Variants in OR6Y1 observed in about 807,000 individuals in gnomAD.
OR6Y1 encodes the protein olfactory receptor 6Y1.
In OR6Y1, 1 loss-of-function variant was observed where a neutral mutation model predicts 0.4. That is an observed-to-expected ratio of 2.74 (90% CI 0.97 to 13.02). OR6Y1 has a LOEUF of 13.02. OR6Y1 is among the 30% of genes most tolerant of loss of function. The probability of loss-of-function intolerance (pLI) is 0.12; values close to 1 mark genes in which losing one functional copy is unlikely to be tolerated. For synonymous variants in OR6Y1, 173 were observed against 141.1 expected (o/e 1.23, Z -1.60); for missense variants, 480 against 399.8 (o/e 1.20, Z -1.71).
chr1:158,544,643 C>T lies in OR6Y1; in HGVS notation c.*2485G>A, dbSNP rs554048250. On this transcript the variant is annotated 3_prime_UTR_variant, in exon 2 of 2. Transcript: ENST00000641622. ...ACAGATTATTTTGTCACCCAGGTAT[C>T]AAGCCTATTACCCATTAGTTATTTC... 6.6e-6 allele frequency: 1 copy of T among 152,138 alleles called. No individual in the cohort carries two copies. The highest frequency in any genetic ancestry group is 2.1e-4 in the South Asian group (1 of 4,814). 9.4% of individuals were successfully genotyped at this position (152,138 alleles called of 1,614,324 possible).
At chr1:158,550,110 C>T (rs1647663980) in intron 1 of OR6Y1, among the ~76,000 whole-genome samples, 1 of 151,420 alleles carries the variant, frequency 6.6e-6, no homozygotes, top group African/African-American at 2.4e-5. Flanking sequence ...GACATTATAC[C>T]CTAATGTCCT....
Position 158,546,592 on chromosome 1 carries a change from G to A in OR6Y1, c.*536C>T, listed in dbSNP as rs956680349. 3 of 152,410 alleles carry A rather than the reference G, an allele frequency of 2.0e-5. No individual in the cohort carries two copies. Among genetic ancestry groups the A allele is most frequent in the Admixed American group, 2.0e-4 (3 of 15,286 alleles). 9.4% of individuals were successfully genotyped at this position (152,410 alleles called of 1,614,324 possible). ...TGACCAGGCTGGGCCCAAGTTCCTG[G>A]ACTCAGGGGATCCTCCTGCCTCAGT... On this transcript the variant is annotated 3_prime_UTR_variant, in exon 2 of 2. Coordinates refer to ENST00000641622, the MANE Select transcript of OR6Y1 (RefSeq NM_001005189.2).
intron 1 of OR6Y1, among the ~76,000 whole-genome samples, chr1:158,553,542 T>TTATA (rs909469394): frequency 2.0e-5 from 3 of 151,528 alleles, no homozygotes; most frequent in Non-Finnish European, 4.4e-5. Context: ...ATACGTACAA[T>TTATA]TATATATATA....
Position 158,548,363 on chromosome 1 carries a change from AT to A in OR6Y1, c.-259del. On this transcript the variant is annotated 5_prime_UTR_variant, in exon 2 of 2. Transcript: ENST00000641622. ...TCCAAGGTCATACAAAATAGAGTTT[AT>A]AACTTTCTAAATCCCAGTTCTGTGC... 3 of 383,008 alleles carry A rather than the reference AT, an allele frequency of 7.8e-6. No individual in the cohort carries two copies. The South Asian group carries it at 1.3e-4, about 16-fold the overall frequency. 23.7% of individuals were successfully genotyped at this position (383,008 alleles called of 1,614,324 possible).
intron 1 of OR6Y1, among the ~76,000 whole-genome samples, chr1:158,552,305 G>A (rs987137791): frequency 1.3e-5 from 2 of 149,608 alleles, no homozygotes; most frequent in African/African-American, 4.9e-5. Context: ...ATCCTCTTTG[G>A]ATGATTCCAG....
At chr1:158,549,835 A>C (rs1007166894) in intron 1 of OR6Y1, among the ~76,000 whole-genome samples, 1 of 151,186 alleles carries the variant, frequency 6.6e-6, no homozygotes, top group African/African-American at 2.5e-5. Flanking sequence ...ATTTAAAAAA[A>C]TATCTTTGAG....
rs1211443153 is a variant in OR6Y1 at position 158,544,843 on chromosome 1, A to G, written c.*2285T>C. On this transcript the variant is annotated 3_prime_UTR_variant, in exon 2 of 2. Coordinates refer to ENST00000641622, the MANE Select transcript of OR6Y1 (RefSeq NM_001005189.2). ...AAGGTGATGGCCTCCAGTCCCATCCATGTTCCCGGAAAGGACATGATCTAA... is the reference window on the plus strand; with the variant it reads ...AAGGTGATGGCCTCCAGTCCCATCCGTGTTCCCGGAAAGGACATGATCTAA... The G allele has an allele frequency of 6.6e-6, 1 of 152,164 alleles. No homozygotes were observed. Among genetic ancestry groups the G allele is most frequent in the Non-Finnish European group, 1.5e-5 (1 of 68,038 alleles). 9.4% of individuals were successfully genotyped at this position (152,164 alleles called of 1,614,324 possible).
chr1:158,548,060 G>T lies in OR6Y1; in HGVS notation c.46C>A (p.Arg16Ser). The change falls in exon 2 of 2, where the codon CGT becomes AGT. Residue 16 changes from arginine to serine, a missense_variant. Arg to Ser is a moderately radical substitution (Grantham distance 110, BLOSUM62 -1). Transcript: ENST00000641622. Reference protein sequence around the residue: ...LEVDNHTVTTRFILLGFPTRP... With the variant: ...LEVDNHTVTTSFILLGFPTRP... The stretch of plus-strand genomic sequence containing the variant: ...GTTGGAAACCCCAGAAGAATGAAAC[G>T]TGTTGTCACTGTATGATTATCTACT... 1 of 1,613,456 alleles carries T rather than the reference G, an allele frequency of 6.2e-7. No homozygotes were observed.
Position 158,549,351 on chromosome 1 carries a change from T to C in OR6Y1, c.-1246A>G, listed in dbSNP as rs560422440. On this transcript the variant is annotated 5_prime_UTR_variant, in exon 2 of 2. Coordinates refer to ENST00000641622, the MANE Select transcript of OR6Y1 (RefSeq NM_001005189.2). ...ATTGCTTCAATTCTCTTTTCTGCTC[T>C]TCTCCAGAGCCACAGTCACTCTTGA... 5 of 151,810 alleles carry C rather than the reference T, an allele frequency of 3.3e-5. No individual in the cohort carries two copies. The highest frequency in any genetic ancestry group is 1.2e-4 in the African/African-American group (5 of 41,130). The allele number at this position is 151,810 out of a possible 1,614,324, so 9.4% of individuals were successfully genotyped here.
chr1:158,547,061 A>G lies in OR6Y1; in HGVS notation c.*67T>C. On this transcript the variant is annotated 3_prime_UTR_variant, in exon 2 of 2. Transcript: ENST00000641622. ...TGGAGATTGGGGGATAACCAAAGAC[A>G]AGACTGAGGGGGAAAGTGTGTAGTG... is the stretch of plus-strand genomic sequence containing the variant. 6.7e-7 allele frequency: 1 copy of G among 1,492,490 alleles called. No individual in the cohort carries two copies. Among genetic ancestry groups the G allele is most frequent in the Non-Finnish European group, 9.1e-7 (1 of 1,104,908 alleles). The allele number at this position is 1,492,490 out of a possible 1,614,324, so 92.5% of individuals were successfully genotyped here. A position where few individuals can be genotyped will look rare whatever the true frequency, so the allele number is the denominator to read the frequency against.
chr1:158,550,650 G>T lies in OR6Y1; in HGVS notation c.-1432-1113C>A, dbSNP rs151011555. The stretch of plus-strand genomic sequence containing the variant: ...AAGAGGTAGAGTGCTTTATCAACAG[G>T]CACATGCATTGTAGATATAGTAAGG... On this transcript the variant is annotated intron_variant, in intron 1 of 1. Transcript: ENST00000641622. Among the ~76,000 whole-genome samples, 287 of 151,738 alleles carry T rather than the reference G, an allele frequency of 1.9e-3. 5 individuals are homozygous for T. Among genetic ancestry groups the T allele is most frequent in the Middle Eastern group, 6.8e-3 (2 of 294 alleles).
rs112502721 is a variant in OR6Y1, at chr1:158,547,154, G to A, written c.952C>T (p.Gln318Ter). 9.3e-6 allele frequency: 15 copies of A among 1,612,958 alleles called. No homozygotes were observed. The highest frequency in any genetic ancestry group is 6.7e-5 in the African/African-American group (5 of 74,490). Reference protein sequence around the residue: ...KTIHCRGSGPQGNGAFSS With the variant: ...KTIHCRGSGP ...TAACTACTGAAAGCCCCATTTCCCTGGGGCCCACTTCCTCTGCAATGTATG... is the reference window on the plus strand; with the variant it reads ...TAACTACTGAAAGCCCCATTTCCCTAGGGCCCACTTCCTCTGCAATGTATG... Residue 318 changes from glutamine to a stop codon, truncating the protein, a stop_gained, in exon 2 of 2, where the codon CAG (glutamine) becomes TAG (stop). Coordinates refer to ENST00000641622, the MANE Select transcript of OR6Y1 (RefSeq NM_001005189.2). LOFTEE classifies it low-confidence loss of function (END_TRUNC).
rs778445640 is a variant in OR6Y1, at chr1:158,547,820, T to G, written c.286A>C (p.Ser96Arg). The change falls in exon 2 of 2, where the codon AGT (serine) becomes CGT (arginine). Residue 96 changes from serine (S) to arginine (R), a missense_variant. Transcript: ENST00000641622. Reference sequence around the variant, plus strand: ...GTCATGCAGCCATTGAAGGAAATACTCTTGTCATGACTGAGGAAGTCAACA... The same window carrying G: ...GTCATGCAGCCATTGAAGGAAATACGCTTGTCATGACTGAGGAAGTCAACA... ...MLVDFLSHDK[S>R]ISFNGCMTQL... The G allele has an allele frequency of 1.2e-6, 2 of 1,613,558 alleles. No homozygotes were observed. The highest frequency in any genetic ancestry group is 4.5e-5 in the East Asian group (2 of 44,866).
At chr1:158,550,844 C>T (rs140862762) in intron 1 of OR6Y1, among the ~76,000 whole-genome samples, 2,402 of 151,804 alleles carry the variant, frequency 0.016, 39 homozygotes, top group Middle Eastern at 0.044. Flanking sequence ...TCTGAGGAGG[C>T]TATGCTGAAT....
At position 158,545,831 on chromosome 1, in the gene OR6Y1, T is replaced by A. The variant is rs553184124; in HGVS notation, c.*1297A>T. Reference sequence around the variant, plus strand: ...ATTTGTCAATTTTTGTTTTTTAATATCTTTTTAAAAATTGCTGAGGTTTAT... The same window carrying A: ...ATTTGTCAATTTTTGTTTTTTAATAACTTTTTAAAAATTGCTGAGGTTTAT... On this transcript the variant is annotated 3_prime_UTR_variant, in exon 2 of 2. Coordinates refer to ENST00000641622, the MANE Select transcript of OR6Y1 (RefSeq NM_001005189.2). The A allele has an allele frequency of 5.4e-4, 82 of 152,286 alleles. No individual in the cohort carries two copies. Among genetic ancestry groups the A allele is most frequent in the African/African-American group, 1.9e-3 (80 of 41,560 alleles). 9.4% of individuals were successfully genotyped at this position (152,286 alleles called of 1,614,324 possible).
At chr1:158,551,933 A>G (rs1291449248) in intron 1 of OR6Y1, among the ~76,000 whole-genome samples, 1 of 149,016 alleles carries the variant, frequency 6.7e-6, no homozygotes, top group African/African-American at 2.6e-5. Flanking sequence ...GATTTTTTCC[A>G]GGAATGGAAA....
At chr1:158,552,938 C>T (rs1053193759) in intron 1 of OR6Y1, among the ~76,000 whole-genome samples, 1 of 152,070 alleles carries the variant, frequency 6.6e-6, no homozygotes, top group Non-Finnish European at 1.5e-5. Flanking sequence ...TTTTCAGGAA[C>T]GAATATGCTT....
chr1:158,553,199 T>C (rs1184698354), intron 1 of OR6Y1, among the ~76,000 whole-genome samples: 1 of 152,210 alleles, frequency 6.6e-6, no homozygotes, highest in African/African-American at 2.4e-5. Flanking sequence ...TGGGTCTCAC[T>C]TGGGTATGAT....
intron 1 of OR6Y1, among the ~76,000 whole-genome samples, chr1:158,552,591 A>G (rs1557897094): frequency 1.3e-5 from 2 of 152,084 alleles, no homozygotes; most frequent in Non-Finnish European, 2.9e-5. Context: ...ATAGGGAAGA[A>G]AACGTATATG....
Sources: allele counts gnomAD v4.1 joint callset (sites outside exome capture counted in the v4.1 genomes callset), GRCh38; gene constraint gnomAD v4.1.1; transcripts MANE v1.5; gene names NCBI Gene and HGNC (gene_info 2026-07-23, HGNC 2026-07-21).